MYH15: variants seen among roughly 807,000 people sequenced by gnomAD.
The protein encoded by MYH15 is myosin-15.
A neutral mutation model predicts 240.5 loss-of-function variants in MYH15; 227 were observed. The ratio of observed to expected loss-of-function variants is 0.94; its 90% confidence interval spans 0.85 to 1.05. The LOEUF (loss-of-function observed/expected upper bound fraction) is 1.05, where lower values mean the gene tolerates loss of function less well. Among genes scored for constraint, MYH15 ranks in the 50% least tolerant of loss-of-function variants. The pLI is 0.00. For missense variants in MYH15, 2,217 were observed against 2,247.5 expected (o/e 0.99, Z 0.27); for synonymous variants, 785 against 796.7 (o/e 0.99, Z 0.25).
chr3:108,381,525 T>G lies in MYH15; in HGVS notation c.*20A>C, dbSNP rs766569209. On this transcript the variant is annotated 3_prime_UTR_variant, in exon 41 of 41. Transcript: ENST00000693548. ...CTTCCTTGTACTTCTCCAGCTGTTGTCCTTTCAAAGCAGGGGATGCTATTC... is the reference window on the plus strand; with the variant it reads ...CTTCCTTGTACTTCTCCAGCTGTTGGCCTTTCAAAGCAGGGGATGCTATTC... 6.2e-7 allele frequency: 1 copy of G among 1,613,432 alleles called. No individual in the cohort carries two copies. Among genetic ancestry groups the G allele is most frequent in the South Asian group, 1.1e-5 (1 of 91,070 alleles).
rs548548579 is a variant in MYH15 at position 108,458,745 on chromosome 3, G to T, written c.2020+617C>A. On this transcript the variant is annotated intron_variant, in intron 18 of 40. Transcript: ENST00000693548. ...TGGTAAAACCCTTGTTTGGGGAATT[G>T]AAAACATTAAAAAAAAAAATCACTA... Among the ~76,000 whole-genome samples, 15 of 148,852 alleles carry T rather than the reference G, an allele frequency of 1.0e-4. No homozygotes were observed. The South Asian group carries it at 3.2e-3, about 31-fold the overall frequency.
At chr3:108,408,732 A>C (rs1468821781) in intron 31 of MYH15, among the ~76,000 whole-genome samples, 1 of 152,144 alleles carries the variant, frequency 6.6e-6, no homozygotes, top group Non-Finnish European at 1.5e-5. Flanking sequence ...AGGAACACAG[A>C]CCTGGAGTCC....
chr3:108,406,735 G>A (rs918232965), intron 32 of MYH15, among the ~76,000 whole-genome samples: 2 of 152,214 alleles, frequency 1.3e-5, no homozygotes, highest in Non-Finnish European at 2.9e-5. Context: ...GCTGAGGACA[G>A]AAGTGGAGAA....
chr3:108,414,915 C>T (rs1472727498), intron 29 of MYH15, among the ~76,000 whole-genome samples: 1 of 152,190 alleles, frequency 6.6e-6, no homozygotes, highest in East Asian at 1.9e-4. Context: ...AATAGTACTA[C>T]TGCCCAACAG....
intron 25 of MYH15, among the ~76,000 whole-genome samples, chr3:108,437,246 T>C (rs2082846611): frequency 6.6e-6 from 1 of 151,526 alleles, no homozygotes; most frequent in Non-Finnish European, 1.5e-5. Flanking sequence ...AAGAAGAGTG[T>C]CATTTTTATT....
At position 108,470,223 on chromosome 3, in the gene MYH15, A is replaced by T. The variant is rs1002935668; in HGVS notation, c.1384-11T>A. On this transcript the variant is annotated splice_polypyrimidine_tract_variant and intron_variant, in intron 13 of 40. Coordinates refer to ENST00000693548, the MANE Select transcript of MYH15 (RefSeq NM_014981.3). ...CTCAAGGCTATTATACTTCAAGGAT[A>T]TGAATAGGTAAGAAGAAGAGATAAA... is the stretch of plus-strand genomic sequence containing the variant. 1.3e-6 allele frequency: 2 copies of T among 1,560,374 alleles called. No individual in the cohort carries two copies. The highest frequency in any genetic ancestry group is 8.7e-7 in the Non-Finnish European group (1 of 1,153,774).
At chr3:108,421,500 G>C (rs1417248176) in intron 27 of MYH15, among the ~76,000 whole-genome samples, 2 of 152,178 alleles carry the variant, frequency 1.3e-5, no homozygotes, top group East Asian at 3.8e-4. Flanking sequence ...TCTGGAGAAG[G>C]AAACATGTCA....
chr3:108,539,029 T>C, the MYH15 span, among the ~76,000 whole-genome samples: 5 of 152,290 alleles, frequency 3.3e-5, no homozygotes, highest in South Asian at 1.0e-3. Context: ...AATCCATTCA[T>C]GAAGGCAGAG....
At chr3:108,384,457 G>A (rs2082366281) in intron 39 of MYH15, among the ~76,000 whole-genome samples, 1 of 152,144 alleles carries the variant, frequency 6.6e-6, no homozygotes, top group Non-Finnish European at 1.5e-5. Flanking sequence ...ACCTGTTTGG[G>A]TGCAACCACA....
At position 108,381,064 on chromosome 3, in the gene MYH15, C is replaced by T. The variant is rs2082338688; in HGVS notation, c.*481G>A. On this transcript the variant is annotated 3_prime_UTR_variant, in exon 41 of 41. Coordinates refer to ENST00000693548, the MANE Select transcript of MYH15 (RefSeq NM_014981.3). ...ATTTATATCACAATGCTGAGGAGATCTTATGACTTCCATTCTACCACTGCT... is the reference window on the plus strand; with the variant it reads ...ATTTATATCACAATGCTGAGGAGATTTTATGACTTCCATTCTACCACTGCT... 1 of 168,290 alleles carries T rather than the reference C, an allele frequency of 5.9e-6. No homozygotes were observed. Among genetic ancestry groups the T allele is most frequent in the South Asian group, 1.6e-4 (1 of 6,310 alleles). The allele number at this position is 168,290 out of a possible 1,614,324, so 10.4% of individuals were successfully genotyped here. A position where few individuals can be genotyped will look rare whatever the true frequency, so the allele number is the denominator to read the frequency against.
At chr3:108,538,243 C>T in the MYH15 span, among the ~76,000 whole-genome samples, 1 of 152,160 alleles carries the variant, frequency 6.6e-6, no homozygotes, top group Non-Finnish European at 1.5e-5. Flanking sequence ...TTGTTAGATG[C>T]CAGACTGAGC....
Position 108,501,746 on chromosome 3 carries a change from G to A in MYH15, c.305C>T (p.Thr102Ile), listed in dbSNP as rs367847435. The change falls in exon 3 of 41, where the codon ACC (threonine) becomes ATC (isoleucine). Residue 102 changes from threonine to isoleucine, a missense_variant. By Grantham distance (89) the Thr-to-Ile change is moderately conservative. Coordinates refer to ENST00000693548, the MANE Select transcript of MYH15 (RefSeq NM_014981.3). ...THLNEASVLHTLKRRYGQWMI... is the reference protein window; with the variant it reads ...THLNEASVLHILKRRYGQWMI... ...CCACTGGCCATAGCGCCGCTTCAGG[G>A]TATGCAGCACGGATGCCTCATTGAG... is the stretch of plus-strand genomic sequence containing the variant. The A allele has an allele frequency of 1.9e-6, 3 of 1,614,072 alleles. No homozygotes were observed. Among genetic ancestry groups the A allele is most frequent in the Non-Finnish European group, 2.5e-6 (3 of 1,179,958 alleles).
the MYH15 span, among the ~76,000 whole-genome samples, chr3:108,544,953 T>C: frequency 2.6e-5 from 4 of 152,176 alleles, no homozygotes; most frequent in African/African-American, 7.2e-5. Flanking sequence ...CCTAGACATA[T>C]TGTTTTACCA....
chr3:108,428,242 T>A lies in MYH15; in HGVS notation c.3702+250A>T, dbSNP rs77351145. Among the ~76,000 whole-genome samples the A allele has an allele frequency of 5.6e-3, 855 of 152,274 alleles. 5 individuals carry two copies. The highest frequency in any genetic ancestry group is 0.017 in the Middle Eastern group (5 of 294). ...CTTGTGCAATCACTAAAAAAATCCA[T>A]AAGGAACATGGATTTGAATTCTGTT... On this transcript the variant is annotated intron_variant, in intron 27 of 40. Transcript: ENST00000693548.
chr3:108,465,307 G>A (rs1422415583), intron 14 of MYH15, among the ~76,000 whole-genome samples: 1 of 152,150 alleles, frequency 6.6e-6, no homozygotes, highest in Non-Finnish European at 1.5e-5. Context: ...CAAAGGCCCC[G>A]AGGCCAGAGC....
chr3:108,460,188 T>G (rs2107580620), intron 17 of MYH15, 112 bp downstream of exon 17: 1 of 958,986 alleles, frequency 1.0e-6, no homozygotes, highest in East Asian at 2.7e-5. Flanking sequence ...CTTTTCCAAC[T>G]TGCTAGCTCC....
At chr3:108,428,235 A>C (rs1475977003) in intron 27 of MYH15, among the ~76,000 whole-genome samples, 1 of 152,226 alleles carries the variant, frequency 6.6e-6, no homozygotes, top group East Asian at 1.9e-4. Context: ...ATCACTAAAA[A>C]AATCCATAAG....
chr3:108,426,725 A>C (rs964255488), intron 27 of MYH15, among the ~76,000 whole-genome samples: 5 of 152,100 alleles, frequency 3.3e-5, no homozygotes, highest in Admixed American at 1.3e-4. Context: ...AGCTGCCCCC[A>C]ACACCCCAGA....
Position 108,493,640 on chromosome 3 carries a change from CT to C in MYH15, c.712-464del, listed in dbSNP as rs537013957. ...CGCACAAAAAAAATAGACATGGCCC[CT>C]ACCCTCATGAATCTTATAGTCTACT... On this transcript the variant is annotated intron_variant, in intron 7 of 40. Transcript: ENST00000693548. Among the ~76,000 whole-genome samples, 4 of 152,340 alleles carry C rather than the reference CT, an allele frequency of 2.6e-5. No homozygotes were observed. The South Asian group carries it at 6.2e-4, about 24-fold the overall frequency.
Sources: allele counts gnomAD v4.1 joint callset (sites outside exome capture counted in the v4.1 genomes callset), GRCh38; gene constraint gnomAD v4.1.1; transcripts MANE v1.5; gene names NCBI Gene and HGNC (gene_info 2026-07-23, HGNC 2026-07-21).